COL6A5: variants seen among roughly 807,000 people sequenced by gnomAD.
COL6A5 encodes collagen type VI alpha 5 chain.
In COL6A5, 48 loss-of-function variants were observed where a neutral mutation model predicts 65.6. The ratio of observed to expected loss-of-function variants is 0.73; its 90% CI spans 0.58 to 0.93. The LOEUF is 0.93. Ranked by LOEUF, COL6A5 falls within the 40% of genes least tolerant of loss-of-function variation. The pLI, the probability that COL6A5 is intolerant of heterozygous loss-of-function variation, is 0.00. For synonymous variants in COL6A5, 291 were observed against 322.8 expected (o/e 0.90, Z 1.05); for missense variants, 914 against 928.3 (o/e 0.98, Z 0.20).
chr3:130,382,584 T>C (rs1936037065), intron 4 of COL6A5, among the ~76,000 whole-genome samples: 1 of 152,146 alleles, frequency 6.6e-6, no homozygotes, highest in South Asian at 2.1e-4. Flanking sequence ...TGCATTTTAG[T>C]GATCTCCCTA....
chr3:130,429,110 T>G (rs1218649240), upstream of COL6A5, among the ~76,000 whole-genome samples: 1 of 152,132 alleles, frequency 6.6e-6, no homozygotes, highest in Non-Finnish European at 1.5e-5. Flanking sequence ...AAAATTCACT[T>G]GGAAATCCCC....
intron 24 of COL6A5, 126 bp from the exon 25 acceptor site, chr3:130,418,743 T>C: frequency 1.4e-6 from 1 of 718,550 alleles, no homozygotes; most frequent in Non-Finnish European, 2.5e-6. Flanking sequence ...CCTACACTCA[T>C]CCCCTTAGTG....
At chr3:130,462,481 C>T (rs1709724316) in intron 5 of COL6A5, among the ~76,000 whole-genome samples, 1 of 152,064 alleles carries the variant, frequency 6.6e-6, no homozygotes, top group Non-Finnish European at 1.5e-5. Context: ...TGAGACTTTT[C>T]TTTGTTTCTT....
At chr3:130,440,250 C>A (rs1367832073) in exon 3 of COL6A5, 2 of 1,613,314 alleles carry the variant, frequency 1.2e-6, no homozygotes, top group East Asian at 4.5e-5. Flanking sequence ...ATAGACAATT[C>A]TCGGAATATA....
chr3:130,419,934 G>A (rs964930655), intron 25 of COL6A5, among the ~76,000 whole-genome samples: 1 of 152,048 alleles, frequency 6.6e-6, no homozygotes, highest in Admixed American at 6.6e-5. Context: ...AGGAGCCAGA[G>A]GCTTACAGGG....
intron 6 of COL6A5, among the ~76,000 whole-genome samples, chr3:130,390,466 G>A (rs567075054): frequency 6.6e-6 from 1 of 152,236 alleles, no homozygotes; most frequent in Admixed American, 6.5e-5. Context: ...ATGTGCATAA[G>A]TTATTGAGGG....
At chr3:130,415,974 A>G (rs1297994895) in intron 23 of COL6A5, among the ~76,000 whole-genome samples, 1 of 152,166 alleles carries the variant, frequency 6.6e-6, no homozygotes, top group Non-Finnish European at 1.5e-5. Flanking sequence ...AATATTGCCC[A>G]ATCATAACAT....
chr3:130,471,090 G>A (rs1709941770), intron 7 of COL6A5, 123 bp downstream of exon 39: 1 of 696,908 alleles, frequency 1.4e-6, no homozygotes, highest in Non-Finnish European at 2.5e-6. Context: ...GTGTGTGTGT[G>A]TGTGTGTGTG....
At chr3:130,438,739 C>T (rs572595198) in intron 1 of COL6A5, among the ~76,000 whole-genome samples, 1 of 152,130 alleles carries the variant, frequency 6.6e-6, no homozygotes, top group Non-Finnish European at 1.5e-5. Context: ...CTCCTCACCA[C>T]CTGGGAATGA....
At chr3:130,440,273 T>C in exon 3 of COL6A5, 1 of 1,607,836 alleles carries the variant, frequency 6.2e-7, no homozygotes, top group Non-Finnish European at 8.5e-7. Flanking sequence ...AAAGGATGAG[T>C]TTAAGGCTGT....
chr3:130,423,628 A>G (rs1937552759), intron 28 of COL6A5, among the ~76,000 whole-genome samples: 1 of 152,174 alleles, frequency 6.6e-6, no homozygotes. Flanking sequence ...AGAACAAAGT[A>G]TGTCACAAAG....
upstream of COL6A5, among the ~76,000 whole-genome samples, chr3:130,426,816 A>G (rs1280346098): frequency 1.3e-5 from 2 of 151,896 alleles, no homozygotes; most frequent in African/African-American, 4.8e-5. Context: ...GAATCCAGCT[A>G]TGGGAAAGTG....
intron 1 of COL6A5, among the ~76,000 whole-genome samples, chr3:130,437,235 G>A (rs1046490499): frequency 2.0e-5 from 3 of 152,012 alleles, no homozygotes; most frequent in African/African-American, 4.8e-5. Context: ...GTGTACATAT[G>A]TGCAATAAAG....
At chr3:130,408,022 T>C (rs1937051420) in intron 17 of COL6A5, among the ~76,000 whole-genome samples, 1 of 152,180 alleles carries the variant, frequency 6.6e-6, no homozygotes, top group Admixed American at 6.5e-5. Flanking sequence ...CTGTGATGAT[T>C]GTGTTATCTG....
chr3:130,468,743 C>A, intron 5 of COL6A5, 52 bp from the exon 38 acceptor site: 1 of 1,322,058 alleles, frequency 7.6e-7, no homozygotes, highest in Non-Finnish European at 1.1e-6. Flanking sequence ...TGACTAGGAG[C>A]TCCAAGCTTA....
chr3:130,471,956 C>T, intron 7 of COL6A5, 30 bp downstream of exon 40: 1 of 1,519,676 alleles, frequency 6.6e-7, no homozygotes, highest in Non-Finnish European at 8.8e-7. Context: ...AGCTGAAGAC[C>T]CTCAAGTACC....
At chr3:130,447,200 T>C (rs12636109) in intron 4 of COL6A5, among the ~76,000 whole-genome samples, 18,933 of 152,112 alleles carry the variant, frequency 0.12, 1,728 homozygotes, top group East Asian at 0.33. Context: ...TTAACATGGG[T>C]CATGCCTTCC....
chr3:130,446,172 A>C (rs927613629), intron 4 of COL6A5, among the ~76,000 whole-genome samples: 5 of 152,152 alleles, frequency 3.3e-5, no homozygotes, highest in Non-Finnish European at 7.4e-5. Flanking sequence ...GGTAACATTA[A>C]ATGCAGTGCC....
intron 7 of COL6A5, among the ~76,000 whole-genome samples, chr3:130,475,117 G>A (rs112026551): frequency 0.032 from 4,799 of 150,566 alleles, 110 homozygotes; most frequent in South Asian, 0.098. Context: ...AAAAGATTGC[G>A]AAAAAGGCGA....
Sources: allele counts gnomAD v4.1 joint callset (sites outside exome capture counted in the v4.1 genomes callset), GRCh38; gene constraint gnomAD v4.1.1; transcripts MANE v1.5; gene names NCBI Gene and HGNC (gene_info 2026-07-23, HGNC 2026-07-21).